AGBL1: variants seen among roughly 807,000 people sequenced by gnomAD.
AGBL1 encodes the protein cytosolic carboxypeptidase 4.
In AGBL1, 130 loss-of-function variants were observed where a neutral mutation model predicts 118.9. That is an observed-to-expected ratio of 1.09 (90% CI 0.95 to 1.26). The LOEUF is 1.26. Among genes scored for constraint, AGBL1 ranks in the 50% most tolerant of loss-of-function variants. AGBL1 has a pLI of 0.00. For missense variants in AGBL1, 1,584 were observed against 1,298.1 expected, an observed-to-expected ratio of 1.22 and a Z score of -3.38; for synonymous variants, 555 against 478.9, an observed-to-expected ratio of 1.16 and a Z score of -2.08.
At chr15:86,175,173 A>T (rs2077466415) in intron 5 of AGBL1, among the ~76,000 whole-genome samples, 1 of 151,858 alleles carries the variant, frequency 6.6e-6, no homozygotes, top group Non-Finnish European at 1.5e-5. Context: ...GGGACTTTTT[A>T]TTACTCATTC....
chr15:87,027,932 G>C (rs2081749977), intron 24 of AGBL1, among the ~76,000 whole-genome samples: 1 of 151,854 alleles, frequency 6.6e-6, no homozygotes, highest in Admixed American at 6.6e-5. Context: ...ACTAATGGCT[G>C]CTGAGCTTAA....
rs908083628 is a variant in AGBL1 at position 86,588,178 on chromosome 15, G to T, written c.2994+33641G>T. 4.6e-5 allele frequency among the ~76,000 whole-genome samples: 7 copies of T among 152,128 alleles called. No homozygotes were observed. The South Asian group carries it at 6.2e-4, about 14-fold the overall frequency. On this transcript the variant is annotated intron_variant, in intron 21 of 22. Transcript: ENST00000614907. ...TTTTAAAATTCTGCATTATACCTTC[G>T]TTAATACAATATTATGATATTTGAA...
At position 86,680,565 on chromosome 15, in the gene AGBL1, C is replaced by CTTT. The variant is rs34873609; in HGVS notation, c.3158+6147_3158+6149dup. The stretch of plus-strand genomic sequence containing the variant: ...TCTTTTTTCTTTCTTTCTTTCTTTT[C>CTTT]TTTTTTTTTTTTTTTTTTTTGAGAT... On this transcript the variant is annotated intron_variant, in intron 22 of 22. Coordinates refer to ENST00000614907, the MANE Select transcript of AGBL1 (RefSeq NM_001386094.1). Among the ~76,000 whole-genome samples the CTTT allele has an allele frequency of 7.0e-3, 660 of 94,682 alleles. 28 individuals are homozygous for CTTT. The highest frequency in any genetic ancestry group is 8.1e-3 in the Non-Finnish European group (405 of 50,104). The allele number at this position is 94,682 out of a possible 152,430, so 62.1% of individuals were successfully genotyped here.
chr15:86,099,474 T>C (rs1896578878), intron 1 of AGBL1, among the ~76,000 whole-genome samples: 1 of 152,164 alleles, frequency 6.6e-6, no homozygotes, highest in South Asian at 2.1e-4. Context: ...TTTTGGCTTT[T>C]GTACATGTAA....
At chr15:86,314,248 C>T (rs2079963502) in intron 17 of AGBL1, among the ~76,000 whole-genome samples, 1 of 152,212 alleles carries the variant, frequency 6.6e-6, no homozygotes, top group African/African-American at 2.4e-5. Flanking sequence ...TTTGGCCAAA[C>T]AAGAGGAGTT....
At chr15:86,858,652 C>G (rs980077338) in intron 22 of AGBL1, among the ~76,000 whole-genome samples, 1 of 152,186 alleles carries the variant, frequency 6.6e-6, no homozygotes, top group Non-Finnish European at 1.5e-5. Flanking sequence ...TCTCTAAGAG[C>G]TTACATGCTC....
intron 17 of AGBL1, among the ~76,000 whole-genome samples, chr15:86,359,785 T>A (rs1379823299): frequency 1.3e-5 from 2 of 151,938 alleles, no homozygotes; most frequent in Non-Finnish European, 2.9e-5. Context: ...TTTGGTTAAA[T>A]TTATTGCTAA....
intron 18 of AGBL1, among the ~76,000 whole-genome samples, chr15:86,435,302 G>C (rs531565985): frequency 4.6e-5 from 7 of 152,268 alleles, no homozygotes; most frequent in African/African-American, 1.7e-4. Context: ...AAGGCAGTTG[G>C]GGGTGACTGA....
chr15:86,473,458 A>G (rs761536248), intron 18 of AGBL1, among the ~76,000 whole-genome samples: 4 of 152,234 alleles, frequency 2.6e-5, no homozygotes, highest in Non-Finnish European at 2.9e-5. Flanking sequence ...CAAATTGCCT[A>G]GAGTTTTATT....
chr15:87,020,110 G>A (rs1435647456), intron 24 of AGBL1, among the ~76,000 whole-genome samples: 1 of 151,932 alleles, frequency 6.6e-6, no homozygotes, highest in Non-Finnish European at 1.5e-5. Context: ...TGATATTGAG[G>A]CAGTAATAGA....
At chr15:86,716,836 G>T (rs775902400) in intron 22 of AGBL1, among the ~76,000 whole-genome samples, 1 of 152,186 alleles carries the variant, frequency 6.6e-6, no homozygotes, top group Non-Finnish European at 1.5e-5. Context: ...ATGAGGTGGG[G>T]AGGTTAAAAG....
At chr15:86,607,602 C>G (rs1277782388) in intron 21 of AGBL1, among the ~76,000 whole-genome samples, 1 of 152,100 alleles carries the variant, frequency 6.6e-6, no homozygotes, top group African/African-American at 2.4e-5. Context: ...ATATTTTGGC[C>G]ATTTTACTGG....
chr15:86,975,311 TG>T (rs2141711879), intron 23 of AGBL1, among the ~76,000 whole-genome samples: 1 of 152,110 alleles, frequency 6.6e-6, no homozygotes, highest in Admixed American at 6.6e-5. Context: ...TCTTACGTGG[TG>T]GCAGGCAAGA....
intron 18 of AGBL1, among the ~76,000 whole-genome samples, chr15:86,482,480 C>G (rs2082664654): frequency 6.6e-6 from 1 of 152,074 alleles, no homozygotes; most frequent in Admixed American, 6.6e-5. Context: ...AATGATTTCC[C>G]ATAATCTATT....
At chr15:86,964,008 ACTCT>A (rs71460234) in intron 23 of AGBL1, among the ~76,000 whole-genome samples, 26 of 139,548 alleles carry the variant, frequency 1.9e-4, no homozygotes, top group African/African-American at 3.7e-4. Flanking sequence ...GAGCCAGGAA[ACTCT>A]CTCTCTCTCT....
intron 18 of AGBL1, among the ~76,000 whole-genome samples, chr15:86,443,960 G>A (rs1211465858): frequency 6.6e-6 from 1 of 152,124 alleles, no homozygotes; most frequent in Non-Finnish European, 1.5e-5. Flanking sequence ...TTTCCTTTGG[G>A]TAAATACTTT....
chr15:86,825,603 G>A (rs1384580526), intron 22 of AGBL1, among the ~76,000 whole-genome samples: 1 of 142,938 alleles, frequency 7.0e-6, no homozygotes, highest in Non-Finnish European at 1.5e-5. Flanking sequence ...AATATGTTCA[G>A]CATTATTAAC....
At chr15:86,663,600 C>T (rs2085586018) in intron 21 of AGBL1, among the ~76,000 whole-genome samples, 2 of 151,980 alleles carry the variant, frequency 1.3e-5, no homozygotes, top group Admixed American at 1.3e-4. Context: ...CAATACTGGG[C>T]TTGTGCATGT....
intron 17 of AGBL1, among the ~76,000 whole-genome samples, chr15:86,392,306 TTA>T (rs2081299859): frequency 1.3e-5 from 2 of 152,198 alleles, no homozygotes; most frequent in Admixed American, 1.3e-4. Context: ...GTTTTGCATA[TTA>T]TTTCCTGAAC....
Sources: allele counts gnomAD v4.1 joint callset (sites outside exome capture counted in the v4.1 genomes callset), GRCh38; gene constraint gnomAD v4.1.1; transcripts MANE v1.5; gene names NCBI Gene and HGNC (gene_info 2026-07-23, HGNC 2026-07-21).